FAM135B: variants seen among roughly 807,000 people sequenced by gnomAD.
FAM135B encodes the protein protein FAM135B.
A neutral mutation model predicts 127.7 loss-of-function variants in FAM135B; 43 were observed. The ratio of observed to expected loss-of-function variants is 0.34; its 90% confidence interval spans 0.26 to 0.43. FAM135B has a LOEUF of 0.43. Ranked by LOEUF, FAM135B falls within the 20% of genes least tolerant of loss-of-function variation. The pLI is 1.00. For synonymous variants in FAM135B, 670 were observed against 665.1 expected (o/e 1.01, Z -0.11); for missense variants, 1,558 against 1,725.6 (o/e 0.90, Z 1.72).
chr8:138,480,717 G>C (rs1199286917), intron 1 of FAM135B, among the ~76,000 whole-genome samples: 4 of 152,188 alleles, frequency 2.6e-5, no homozygotes, highest in African/African-American at 9.7e-5. Flanking sequence ...ATTTTGAGAA[G>C]CAAGTCAACT....
chr8:138,441,149 T>C (rs186176507), intron 1 of FAM135B: 2 of 152,312 alleles, frequency 1.3e-5, no homozygotes, highest in Admixed American at 1.3e-4. Flanking sequence ...AATACAAGCA[T>C]GCTGGGATGG....
intron 1 of FAM135B, among the ~76,000 whole-genome samples, chr8:138,471,337 G>A (rs978874565): frequency 6.6e-6 from 1 of 152,184 alleles, no homozygotes; most frequent in Non-Finnish European, 1.5e-5. Context: ...CAGATTTGGG[G>A]CAGAGTGTGG....
rs36037032 is a variant in FAM135B, at chr8:138,426,118, ATGTG to A, written c.-19-58120_-19-58117del. On this transcript the variant is annotated intron_variant, in intron 1 of 19. Transcript: ENST00000395297. ...ATGTTTTATATATATATATACACATATGTGTGTGTGTGTGTGTGTGTATATATAT... is the reference window on the plus strand; with the variant it reads ...ATGTTTTATATATATATATACACATATGTGTGTGTGTGTGTGTATATATAT... Among the ~76,000 whole-genome samples, 59 of 119,914 alleles carry A rather than the reference ATGTG, an allele frequency of 4.9e-4. 1 individual carries two copies. The highest frequency in any genetic ancestry group is 4.1e-3 in the Middle Eastern group (1 of 242). 78.7% of individuals were successfully genotyped at this position (119,914 alleles called of 152,430 possible). A position where few individuals can be genotyped will look rare whatever the true frequency, so the allele number is the denominator to read the frequency against.
rs1817104037 is a variant in FAM135B, at chr8:138,141,126, C to T, written c.3790+72G>A. On this transcript the variant is annotated intron_variant, in intron 17 of 19. Transcript: ENST00000395297. The surrounding 1 kb of genome is among the most constrained non-coding windows in gnomAD (Gnocchi z 4.7). ...AGTCACAGGGTTCCAAGTGGAAGTA[C>T]CTGTGCCCGGTTTCACGCCCCAGAG... is the stretch of plus-strand genomic sequence containing the variant. The T allele has an allele frequency of 6.9e-7, 1 of 1,457,002 alleles. No individual in the cohort carries two copies. 90.3% of individuals were successfully genotyped at this position (1,457,002 alleles called of 1,614,324 possible).
chr8:138,169,978 T>C (rs892559639), intron 11 of FAM135B, among the ~76,000 whole-genome samples: 1 of 152,138 alleles, frequency 6.6e-6, no homozygotes, highest in Non-Finnish European at 1.5e-5. Context: ...AAAGGGTACA[T>C]AGGAATCAGC....
At chr8:138,207,803 T>A (rs993633572) in intron 7 of FAM135B, among the ~76,000 whole-genome samples, 2 of 152,116 alleles carry the variant, frequency 1.3e-5, no homozygotes, top group Non-Finnish European at 2.9e-5. Flanking sequence ...TTGTTCTCCC[T>A]CAAAGGCGTC....
At chr8:138,161,662 T>C (rs1053458112) in intron 12 of FAM135B, among the ~76,000 whole-genome samples, 1 of 152,128 alleles carries the variant, frequency 6.6e-6, no homozygotes, top group Non-Finnish European at 1.5e-5. Flanking sequence ...TGCCTTTGAA[T>C]GAAGTTTATG....
intron 7 of FAM135B, among the ~76,000 whole-genome samples, chr8:138,210,550 C>T (rs574559423): frequency 2.0e-5 from 3 of 152,246 alleles, no homozygotes; most frequent in African/African-American, 7.2e-5. Context: ...CAAGCACTTT[C>T]TTCACATCGT....
intron 1 of FAM135B, among the ~76,000 whole-genome samples, chr8:138,384,777 A>G (rs1011940644): frequency 2.0e-5 from 3 of 151,990 alleles, no homozygotes; most frequent in African/African-American, 7.3e-5. Flanking sequence ...GGGGCTAGCA[A>G]TTGGTCACCT....
intron 1 of FAM135B, among the ~76,000 whole-genome samples, chr8:138,471,573 G>C (rs528248810): frequency 2.0e-5 from 3 of 152,120 alleles, no homozygotes; most frequent in Non-Finnish European, 4.4e-5. Flanking sequence ...GAACCTCAAA[G>C]AAGGACAGAT....
chr8:138,199,195 G>C (rs1267413395), intron 7 of FAM135B, among the ~76,000 whole-genome samples: 1 of 152,200 alleles, frequency 6.6e-6, no homozygotes, highest in Non-Finnish European at 1.5e-5. Context: ...CAAGGGTGTT[G>C]TATAGGCAGA....
chr8:138,263,183 C>T (rs1822670771), intron 4 of FAM135B, among the ~76,000 whole-genome samples: 1 of 152,032 alleles, frequency 6.6e-6, no homozygotes, highest in African/African-American at 2.4e-5. Flanking sequence ...GCAGTTTCTC[C>T]GGTGTAAATG....
intron 8 of FAM135B, among the ~76,000 whole-genome samples, chr8:138,196,605 C>T (rs918251980): frequency 1.3e-5 from 2 of 152,170 alleles, no homozygotes; most frequent in African/African-American, 4.8e-5. Flanking sequence ...CAGTCAAAAC[C>T]ACAGTTATCT....
At chr8:138,140,475 C>T (rs1261800743) in intron 17 of FAM135B, among the ~76,000 whole-genome samples, 4 of 152,174 alleles carry the variant, frequency 2.6e-5, no homozygotes, top group Non-Finnish European at 5.9e-5. Flanking sequence ...AACCATGTCA[C>T]CTCCTCAGTA....
chr8:138,400,206 T>G (rs1833080059), intron 1 of FAM135B, among the ~76,000 whole-genome samples: 1 of 152,174 alleles, frequency 6.6e-6, no homozygotes, highest in Non-Finnish European at 1.5e-5. Context: ...TGGCTAATGC[T>G]GAAGCCAGAG....
chr8:138,203,537 C>T (rs1817313628), intron 7 of FAM135B, among the ~76,000 whole-genome samples: 1 of 152,176 alleles, frequency 6.6e-6, no homozygotes, highest in South Asian at 2.1e-4. Context: ...ATCTTACCTT[C>T]CACCTGCCGC....
At chr8:138,354,545 T>C (rs1031182699) in intron 2 of FAM135B, among the ~76,000 whole-genome samples, 4 of 152,194 alleles carry the variant, frequency 2.6e-5, no homozygotes, top group East Asian at 1.9e-4. Flanking sequence ...ATCTTGTCCA[T>C]GTTTAACTTC....
At chr8:138,365,466 G>A (rs375819550) in intron 2 of FAM135B, among the ~76,000 whole-genome samples, 83 of 152,190 alleles carry the variant, frequency 5.5e-4, no homozygotes, top group African/African-American at 1.9e-3. Flanking sequence ...AGAATAAGGT[G>A]CATTGTAAGT....
At position 138,151,858 on chromosome 8, in the gene FAM135B, C is replaced by T. The variant is rs2130745880; in HGVS notation, c.2617G>A (p.Val873Ile). 6.2e-7 allele frequency: 1 copy of T among 1,614,034 alleles called. No homozygotes were observed. Among genetic ancestry groups the T allele is most frequent in the Non-Finnish European group, 8.5e-7 (1 of 1,179,894 alleles). The stretch of plus-strand genomic sequence containing the variant: ...TTTAAATTAAGACCTTTGGTTTCAA[C>T]ACCTGGAGTGTTCTCAGTCCTGCCA... Reference protein sequence around the residue: ...PDGRTENTPGVETKGLNLKIP... With the variant: ...PDGRTENTPGIETKGLNLKIP... Residue 873 changes from valine to isoleucine, a missense_variant, in exon 13 of 20, where the codon GTT becomes ATT. Val to Ile is a conservative substitution (Grantham distance 29, BLOSUM62 3). Coordinates refer to ENST00000395297, the MANE Select transcript of FAM135B (RefSeq NM_015912.4).
Sources: allele counts gnomAD v4.1 joint callset (sites outside exome capture counted in the v4.1 genomes callset), GRCh38; gene constraint gnomAD v4.1.1; non-coding constraint Gnocchi (gnomAD v3.1); transcripts MANE v1.5; gene names NCBI Gene and HGNC (gene_info 2026-07-23, HGNC 2026-07-21).